The following SPAG16 variants were observed in gnomAD, a reference collection of about 807,000 sequenced individuals.
SPAG16 encodes the protein sperm-associated antigen 16 protein.
In SPAG16, 86 loss-of-function variants were observed where a neutral mutation model predicts 80.4. The observed-to-expected ratio is 1.07, with a 90% CI of 0.90 to 1.28. The LOEUF (loss-of-function observed/expected upper bound fraction) is 1.28, where lower values mean the gene tolerates loss of function less well. Among genes scored for constraint, SPAG16 ranks in the 50% most tolerant of loss-of-function variants. The pLI is 0.00. For synonymous variants in SPAG16, 294 were observed against 265.9 expected (o/e 1.11, Z -1.03); for missense variants, 870 against 765.3 (o/e 1.14, Z -1.61).
intron 15 of SPAG16, among the ~76,000 whole-genome samples, chr2:214,236,622 A>G (rs1689098645): frequency 2.0e-5 from 3 of 151,902 alleles, no homozygotes; most frequent in Admixed American, 2.0e-4. Context: ...ATTGCACTCC[A>G]TCCTGGGTGA....
At chr2:213,694,075 A>G (rs1395883721) in intron 10 of SPAG16, among the ~76,000 whole-genome samples, 7 of 151,970 alleles carry the variant, frequency 4.6e-5, no homozygotes, top group Non-Finnish European at 1.0e-4. Context: ...AGGGAGAGAA[A>G]GAAGAAGCGA....
At chr2:214,065,438 C>A (rs546063569) in intron 13 of SPAG16, among the ~76,000 whole-genome samples, 1 of 152,132 alleles carries the variant, frequency 6.6e-6, no homozygotes, top group Admixed American at 6.6e-5. Context: ...TATGAAAGTT[C>A]TCATCTAATA....
At chr2:213,940,723 C>T (rs974153297) in intron 12 of SPAG16, among the ~76,000 whole-genome samples, 1 of 152,156 alleles carries the variant, frequency 6.6e-6, no homozygotes, top group African/African-American at 2.4e-5. Flanking sequence ...AATTATGTAT[C>T]TGCACCCCAA....
intron 11 of SPAG16, among the ~76,000 whole-genome samples, chr2:213,914,010 A>C (rs549241826): frequency 6.6e-6 from 1 of 152,246 alleles, no homozygotes; most frequent in Non-Finnish European, 1.5e-5. Flanking sequence ...ATTTCACCTA[A>C]AACATACCTC....
chr2:214,246,735 T>G (rs112841353), intron 15 of SPAG16, among the ~76,000 whole-genome samples: 2,761 of 150,752 alleles, frequency 0.018, 55 homozygotes, highest in African/African-American at 0.045. Flanking sequence ...CTCCAGAGCT[T>G]TGGGGAATGT....
intron 11 of SPAG16, among the ~76,000 whole-genome samples, chr2:213,908,704 TGGATA>T (rs2077527862): frequency 6.6e-6 from 1 of 152,080 alleles, no homozygotes; most frequent in African/African-American, 2.4e-5. Context: ...CAGGAACACT[TGGATA>T]TAGTCACTGA....
At chr2:214,365,576 C>T (rs867501953) in intron 15 of SPAG16, among the ~76,000 whole-genome samples, 2 of 151,906 alleles carry the variant, frequency 1.3e-5, no homozygotes, top group African/African-American at 2.4e-5. Flanking sequence ...GTGTTAAGAA[C>T]CAAATGGAAA....
At chr2:214,351,056 A>C (rs1188151418) in intron 15 of SPAG16, among the ~76,000 whole-genome samples, 2 of 152,138 alleles carry the variant, frequency 1.3e-5, no homozygotes, top group African/African-American at 4.8e-5. Context: ...ATTGGATCAG[A>C]GTGGAGATTG....
chr2:213,913,492 GTGTGTC>G (rs1204126746), intron 11 of SPAG16, among the ~76,000 whole-genome samples: 5 of 151,058 alleles, frequency 3.3e-5, no homozygotes, highest in Non-Finnish European at 7.4e-5. Flanking sequence ...GTGTGTGTCT[GTGTGTC>G]TGTGTGTGTG....
rs111763789 is a variant in SPAG16, at chr2:213,789,898, T to C, written c.1071-72587T>C. On this transcript the variant is annotated intron_variant, in intron 10 of 15. Coordinates refer to ENST00000331683, the MANE Select transcript of SPAG16 (RefSeq NM_024532.5). ...TAATTTCTCCAATTTTCGGTAACGA[T>C]ATCATTATCATCCAATGTATTTTGA... Among the ~76,000 whole-genome samples the C allele has an allele frequency of 2.0e-3, 305 of 152,102 alleles. 2 individuals carry two copies. The highest frequency in any genetic ancestry group is 6.9e-3 in the African/African-American group (288 of 41,570).
At chr2:214,094,690 A>G (rs1484594966) in intron 13 of SPAG16, among the ~76,000 whole-genome samples, 3 of 152,126 alleles carry the variant, frequency 2.0e-5, no homozygotes, top group Non-Finnish European at 4.4e-5. Context: ...TGGAATTATT[A>G]TGGACTAATG....
At chr2:213,360,882 C>T (rs10172140) in intron 7 of SPAG16, among the ~76,000 whole-genome samples, 33,143 of 152,102 alleles carry the variant, frequency 0.22, 4,446 homozygotes, top group Non-Finnish European at 0.31. Flanking sequence ...TCATTTCCAA[C>T]CAAACTTTAG....
At chr2:214,289,729 T>C (rs1217402741) in intron 15 of SPAG16, among the ~76,000 whole-genome samples, 1 of 151,912 alleles carries the variant, frequency 6.6e-6, no homozygotes, top group Non-Finnish European at 1.5e-5. Context: ...TTTGGTTTGA[T>C]ATGAATTCTA....
chr2:213,742,987 T>A (rs146753043), intron 10 of SPAG16, among the ~76,000 whole-genome samples: 6,263 of 151,930 alleles, frequency 0.041, 369 homozygotes, highest in African/African-American at 0.13. Flanking sequence ...CACTGCGAGC[T>A]CCACCTCCCG....
At chr2:213,625,021 C>A (rs932808497) in intron 10 of SPAG16, among the ~76,000 whole-genome samples, 1 of 152,128 alleles carries the variant, frequency 6.6e-6, no homozygotes, top group African/African-American at 2.4e-5. Context: ...AAACTCCTGA[C>A]CCCTCAGGTC....
chr2:213,593,186 T>A (rs993687330), intron 10 of SPAG16, among the ~76,000 whole-genome samples: 2 of 152,160 alleles, frequency 1.3e-5, no homozygotes, highest in African/African-American at 4.8e-5. Context: ...AGGTGATACA[T>A]TGGAGTTCTA....
At chr2:214,202,309 T>C (rs988463821) in intron 15 of SPAG16, among the ~76,000 whole-genome samples, 1 of 152,170 alleles carries the variant, frequency 6.6e-6, no homozygotes, top group African/African-American at 2.4e-5. Context: ...TTTAAATTGA[T>C]GACAAAAGTA....
chr2:213,417,777 G>C (rs545648202), intron 9 of SPAG16, among the ~76,000 whole-genome samples: 91 of 151,994 alleles, frequency 6.0e-4, no homozygotes, highest in African/African-American at 2.1e-3. Flanking sequence ...ATTTTTATAT[G>C]AGTAAATGTA....
At chr2:213,645,285 C>G (rs1231631461) in intron 10 of SPAG16, among the ~76,000 whole-genome samples, 1 of 151,576 alleles carries the variant, frequency 6.6e-6, no homozygotes, top group Non-Finnish European at 1.5e-5. Flanking sequence ...GGTCCAGAAA[C>G]ATCATCCAAG....
Sources: allele counts gnomAD v4.1 joint callset (sites outside exome capture counted in the v4.1 genomes callset), GRCh38; gene constraint gnomAD v4.1.1; transcripts MANE v1.5; gene names NCBI Gene and HGNC (gene_info 2026-07-23, HGNC 2026-07-21).